The following RCAN1 variants were observed in gnomAD, a reference collection of about 807,000 sequenced individuals.
RCAN1 encodes the protein regulator of calcineurin 1.
RCAN1 carries 11 observed loss-of-function variants against 22.9 expected under a neutral mutation model. The observed-to-expected ratio is 0.48, with a 90% CI of 0.30 to 0.79. RCAN1 has a LOEUF of 0.79. RCAN1 is among the 30% of genes least tolerant of loss of function. RCAN1 has a pLI of 0.06. For synonymous variants in RCAN1, 136 were observed against 142.3 expected, an observed-to-expected ratio of 0.96 and a Z score of 0.32; for missense variants, 291 against 337.8, an observed-to-expected ratio of 0.86 and a Z score of 1.09.
At chr21:34,549,785 T>G (rs1307972025) in intron 1 of RCAN1, among the ~76,000 whole-genome samples, 1 of 152,086 alleles carries the variant, frequency 6.6e-6, no homozygotes, top group Non-Finnish European at 1.5e-5. Context: ...CATTATCAGT[T>G]TATTCGTTTG....
intron 1 of RCAN1, among the ~76,000 whole-genome samples, chr21:34,548,472 A>G (rs1241856423): frequency 6.6e-6 from 1 of 152,208 alleles, no homozygotes; most frequent in African/African-American, 2.4e-5. Flanking sequence ...AAAGCTGGAA[A>G]GTAGAGTTTT....
intron 1 of RCAN1, among the ~76,000 whole-genome samples, chr21:34,588,856 A>G (rs991530212): frequency 9.9e-5 from 15 of 152,256 alleles, no homozygotes; most frequent in African/African-American, 3.6e-4. Context: ...CTTAAAAAGG[A>G]AGGAAATTTT....
At chr21:34,521,754 A>C in intron 2 of RCAN1, 96 bp from the exon 3 acceptor site, 1 of 1,025,150 alleles carries the variant, frequency 9.8e-7, no homozygotes, top group East Asian at 2.4e-5. Context: ...TGGGCAGGTC[A>C]ATGTCCAGGC....
intron 2 of RCAN1, 51 bp downstream of exon 2, chr21:34,523,486 A>AAGGG (rs758525913): frequency 1.9e-6 from 3 of 1,583,190 alleles, no homozygotes; most frequent in African/African-American, 1.4e-5. Context: ...TGCTTTACAA[A>AAGGG]AGGGAGGGAG....
intron 1 of RCAN1, among the ~76,000 whole-genome samples, chr21:34,538,680 C>T (rs1490238857): frequency 6.6e-6 from 1 of 152,106 alleles, no homozygotes; most frequent in Non-Finnish European, 1.5e-5. Context: ...GAGGATGAGA[C>T]GACCCTTATC....
chr21:34,553,090 G>A (rs1368379990), intron 1 of RCAN1, among the ~76,000 whole-genome samples: 1 of 152,150 alleles, frequency 6.6e-6, no homozygotes, highest in Non-Finnish European at 1.5e-5. Context: ...GGCCAGACAA[G>A]GGGTATGAGA....
chr21:34,521,878 C>A, intron 2 of RCAN1: 1 of 543,064 alleles, frequency 1.8e-6, no homozygotes, highest in Non-Finnish European at 3.3e-6. Flanking sequence ...CCTCCCAGGG[C>A]TATGGGAGTC....
intron 1 of RCAN1, among the ~76,000 whole-genome samples, chr21:34,570,135 T>G (rs571118328): frequency 6.6e-6 from 1 of 152,340 alleles, no homozygotes; most frequent in Admixed American, 6.5e-5. Flanking sequence ...CAGTGTTCAA[T>G]AAGTGTAGTA....
At chr21:34,603,469 A>G (rs539352561) in intron 1 of RCAN1, among the ~76,000 whole-genome samples, 1 of 152,192 alleles carries the variant, frequency 6.6e-6, no homozygotes, top group Non-Finnish European at 1.5e-5. Context: ...TGGGCAGAGT[A>G]AAACCAGCAG....
chr21:34,560,438 CAAA>C (rs918229614), intron 1 of RCAN1, among the ~76,000 whole-genome samples: 1 of 152,046 alleles, frequency 6.6e-6, no homozygotes, highest in African/African-American at 2.4e-5. Flanking sequence ...AAAGAAGTAA[CAAA>C]GAATAAGAAT....
intron 1 of RCAN1, among the ~76,000 whole-genome samples, chr21:34,544,167 C>T (rs572964817): frequency 6.6e-6 from 1 of 152,344 alleles, no homozygotes; most frequent in Admixed American, 6.5e-5. Context: ...CAAATGGCCC[C>T]CTGGTGGACA....
intron 1 of RCAN1, among the ~76,000 whole-genome samples, chr21:34,581,367 G>A (rs535227131): frequency 6.6e-6 from 1 of 152,250 alleles, no homozygotes; most frequent in South Asian, 2.1e-4. Context: ...ACAAGTTAAG[G>A]AGTATTCAAA....
At position 34,614,473 on chromosome 21, in the gene RCAN1, C is replaced by T; in HGVS notation, c.252+287G>A. The T allele has an allele frequency of 9.8e-7, 1 of 1,024,932 alleles. No individual in the cohort carries two copies. The allele number at this position is 1,024,932 out of a possible 1,614,324, so 63.5% of individuals were successfully genotyped here. On this transcript the variant is annotated intron_variant, in intron 1 of 3. Coordinates refer to ENST00000313806, the MANE Select transcript of RCAN1 (RefSeq NM_004414.7). This position sits in a 1 kb window ranked among gnomAD's most constrained non-coding sequence, Gnocchi z 6.0. ...GGCGGCGCTGCCCCACCTTGGGGAG[C>T]GAATTCACCCCCCTAGTCGCACCAG...
At chr21:34,606,291 G>C (rs8129545) in intron 1 of RCAN1, among the ~76,000 whole-genome samples, 2 of 151,986 alleles carry the variant, frequency 1.3e-5, no homozygotes, top group African/African-American at 2.4e-5. Context: ...AGCCTCTGCC[G>C]CTTGGCAGAC....
intron 1 of RCAN1, among the ~76,000 whole-genome samples, chr21:34,584,163 A>C (rs1360676398): frequency 2.6e-5 from 4 of 152,228 alleles, no homozygotes; most frequent in African/African-American, 9.6e-5. Context: ...CCTGTATTCT[A>C]GACGCAGAAA....
At chr21:34,523,403 G>T in intron 2 of RCAN1, 134 bp downstream of exon 2, 2 of 796,654 alleles carry the variant, frequency 2.5e-6, no homozygotes, top group Non-Finnish European at 2.0e-6. Flanking sequence ...AACATTCAGA[G>T]TAGGAATTTT....
chr21:34,563,012 A>G (rs568434016), intron 1 of RCAN1, among the ~76,000 whole-genome samples: 2 of 152,306 alleles, frequency 1.3e-5, no homozygotes, highest in African/African-American at 2.4e-5. Context: ...GGACTCTTCC[A>G]TAAACAAACC....
intron 1 of RCAN1, among the ~76,000 whole-genome samples, chr21:34,593,689 G>A (rs1892599): frequency 0.17 from 26,530 of 152,218 alleles, 2,739 homozygotes; most frequent in South Asian, 0.25. Flanking sequence ...TTGGGAGGTC[G>A]GGCTGAGGCT....
intron 1 of RCAN1, among the ~76,000 whole-genome samples, chr21:34,601,969 C>T (rs1291158322): frequency 6.6e-6 from 1 of 152,050 alleles, no homozygotes; most frequent in Non-Finnish European, 1.5e-5. Context: ...AGCAACAAAA[C>T]CTGCACCTAA....
Sources: allele counts gnomAD v4.1 joint callset (sites outside exome capture counted in the v4.1 genomes callset), GRCh38; gene constraint gnomAD v4.1.1; non-coding constraint Gnocchi (gnomAD v3.1); transcripts MANE v1.5; gene names NCBI Gene and HGNC (gene_info 2026-07-23, HGNC 2026-07-21).